The following KCNIP1 variants were observed in gnomAD, a reference collection of about 807,000 sequenced individuals.
KCNIP1 encodes potassium voltage-gated channel interacting protein 1.
A neutral mutation model predicts 33.0 loss-of-function variants in KCNIP1; 18 were observed. The ratio of observed to expected loss-of-function variants is 0.55; its 90% confidence interval spans 0.38 to 0.81. The LOEUF is 0.81. Ranked by LOEUF, KCNIP1 falls within the 30% of genes least tolerant of loss-of-function variation. KCNIP1 has a pLI of 0.00. For synonymous variants in KCNIP1, 93 were observed against 98.3 expected, an observed-to-expected ratio of 0.95 and a Z score of 0.32; for missense variants, 238 against 271.6, an observed-to-expected ratio of 0.88 and a Z score of 0.87.
chr5:170,506,587 G>A (rs537752068), intron 1 of KCNIP1, among the ~76,000 whole-genome samples: 5 of 152,140 alleles, frequency 3.3e-5, no homozygotes, highest in Non-Finnish European at 7.3e-5. Flanking sequence ...GAGTACAAAG[G>A]TCTTTGCTTC....
At chr5:170,366,779 A>T (rs1393791304) in intron 1 of KCNIP1, among the ~76,000 whole-genome samples, 1 of 152,190 alleles carries the variant, frequency 6.6e-6, no homozygotes, top group Non-Finnish European at 1.5e-5. Flanking sequence ...CCCCTCCTGG[A>T]AGTGGTGGCC....
chr5:170,681,281 C>G (rs1246453701), intron 1 of KCNIP1: 2 of 395,280 alleles, frequency 5.1e-6, no homozygotes, highest in Non-Finnish European at 8.9e-6. Context: ...GGCGGAGACC[C>G]GAGAGATTTG....
At chr5:170,716,658 A>C (rs1465920778) in intron 1 of KCNIP1, among the ~76,000 whole-genome samples, 1 of 152,236 alleles carries the variant, frequency 6.6e-6, no homozygotes, top group Non-Finnish European at 1.5e-5. Context: ...AATAAAGTCC[A>C]GTTCCTCCTT....
At chr5:170,529,669 A>G (rs1444895398) in intron 1 of KCNIP1, among the ~76,000 whole-genome samples, 1 of 152,210 alleles carries the variant, frequency 6.6e-6, no homozygotes. Context: ...TGCTCATTGT[A>G]CATGGACCTT....
At position 170,383,586 on chromosome 5, in the gene KCNIP1, T is replaced by TCTTTCTCCA. The variant is rs757384770; in HGVS notation, c.88+29629_88+29630insCACTTTCTC. Reference sequence around the variant, plus strand: ...TGTGAGACCTGGTCAAGTGGGTTGATCTTTCTCAGCCTCGGGGACAGGGAC... The same window carrying TCTTTCTCCA: ...TGTGAGACCTGGTCAAGTGGGTTGATCTTTCTCCACTTTCTCAGCCTCGGGGACAGGGAC... On this transcript the variant is annotated intron_variant, in intron 1 of 7. Transcript: ENST00000377360. 8.5e-6 allele frequency: 12 copies of TCTTTCTCCA among 1,418,768 alleles called. No individual in the cohort carries two copies. The South Asian group carries it at 1.3e-4, about 15-fold the overall frequency. The allele number at this position is 1,418,768 out of a possible 1,614,324, so 87.9% of individuals were successfully genotyped here.
intron 1 of KCNIP1, among the ~76,000 whole-genome samples, chr5:170,548,172 A>G (rs887177118): frequency 2.0e-5 from 3 of 152,188 alleles, no homozygotes; most frequent in Non-Finnish European, 4.4e-5. Context: ...GTTATTTTTC[A>G]AATCTGCTAA....
At chr5:170,663,678 C>A (rs1380905990) in intron 1 of KCNIP1, among the ~76,000 whole-genome samples, 1 of 152,142 alleles carries the variant, frequency 6.6e-6, no homozygotes, top group African/African-American at 2.4e-5. Context: ...GTCCCCAAAC[C>A]AGAGGCCTGG....
intron 1 of KCNIP1, among the ~76,000 whole-genome samples, chr5:170,657,446 C>T (rs543955102): frequency 1.2e-4 from 18 of 152,330 alleles, no homozygotes; most frequent in African/African-American, 3.6e-4. Flanking sequence ...ACCGCCTTGG[C>T]TCAGGCCTCA....
chr5:170,674,423 T>C (rs1005038421), intron 1 of KCNIP1, among the ~76,000 whole-genome samples: 4 of 152,202 alleles, frequency 2.6e-5, no homozygotes, highest in African/African-American at 9.6e-5. Context: ...AAGCAACAAA[T>C]GATTGGCGCT....
rs145921980 is a variant in KCNIP1 at position 170,473,584 on chromosome 5, A to C, written c.88+119620A>C. Reference sequence around the variant, plus strand: ...AACCTCACACCGAAGTCTAAGGGAAAGCAGAGGTTCGGCTGAGCACCAGGG... The same window carrying C: ...AACCTCACACCGAAGTCTAAGGGAACGCAGAGGTTCGGCTGAGCACCAGGG... On this transcript the variant is annotated intron_variant, in intron 1 of 7. Coordinates refer to the KCNIP1 transcript ENST00000377360. Among the ~76,000 whole-genome samples the C allele has an allele frequency of 5.6e-3, 851 of 152,284 alleles. 13 individuals carry two copies. The highest frequency in any genetic ancestry group is 0.019 in the African/African-American group (788 of 41,550).
upstream of KCNIP1, among the ~76,000 whole-genome samples, chr5:170,503,241 A>C (rs1428297668): frequency 6.6e-6 from 1 of 151,850 alleles, no homozygotes; most frequent in Non-Finnish European, 1.5e-5. Flanking sequence ...AAATACAAAA[A>C]AATTTAGCTG....
intron 1 of KCNIP1, among the ~76,000 whole-genome samples, chr5:170,481,671 C>T (rs1204846822): frequency 1.3e-5 from 2 of 152,104 alleles, no homozygotes; most frequent in African/African-American, 4.8e-5. Context: ...CTTGGTCACT[C>T]AATTGAAGGG....
intron 1 of KCNIP1, among the ~76,000 whole-genome samples, chr5:170,677,142 C>A (rs1762175252): frequency 6.6e-6 from 1 of 152,142 alleles, no homozygotes; most frequent in African/African-American, 2.4e-5. Flanking sequence ...TAATATTATT[C>A]TTTCTATGCA....
intron 1 of KCNIP1, among the ~76,000 whole-genome samples, chr5:170,435,529 C>T (rs946936369): frequency 2.0e-5 from 3 of 152,120 alleles, no homozygotes; most frequent in African/African-American, 4.8e-5. Flanking sequence ...GCAAGCTCAC[C>T]GGGGCCAAGT....
intron 1 of KCNIP1, among the ~76,000 whole-genome samples, chr5:170,419,423 T>C (rs991564696): frequency 2.0e-5 from 3 of 152,198 alleles, no homozygotes; most frequent in Non-Finnish European, 4.4e-5. Context: ...CAGTCTAGAC[T>C]CTACCCATGG....
At chr5:170,601,973 G>A (rs1419426553) in intron 1 of KCNIP1, among the ~76,000 whole-genome samples, 2 of 152,190 alleles carry the variant, frequency 1.3e-5, no homozygotes, top group Non-Finnish European at 2.9e-5. Context: ...ACTGGGCTGA[G>A]TCTGGGTCAA....
intron 1 of KCNIP1, chr5:170,385,486 G>C: frequency 1.2e-6 from 2 of 1,613,452 alleles, no homozygotes; most frequent in Non-Finnish European, 1.7e-6. Flanking sequence ...GTCCACAGAA[G>C]CAAACAGAAG....
chr5:170,492,735 G>T (rs763719182), intron 1 of KCNIP1, among the ~76,000 whole-genome samples: 18 of 151,518 alleles, frequency 1.2e-4, no homozygotes, highest in Middle Eastern at 3.2e-3. Context: ...AGGAATGGGA[G>T]ACAGAGACCA....
At chr5:170,538,149 GCC>G (rs1313328843) in intron 1 of KCNIP1, among the ~76,000 whole-genome samples, 1 of 152,186 alleles carries the variant, frequency 6.6e-6, no homozygotes, top group African/African-American at 2.4e-5. Context: ...TAAGCCTAGA[GCC>G]CTTAATGACT....
Sources: gnomAD v4.1 joint callset for allele counts (sites outside exome capture counted in the v4.1 genomes callset) on GRCh38, gnomAD v4.1.1 for gene constraint, MANE v1.5 for transcripts, NCBI Gene and HGNC (gene_info 2026-07-23, HGNC 2026-07-21) for gene names.